Variants in KSR2 observed in about 807,000 individuals in gnomAD.
KSR2 encodes the protein kinase suppressor of ras 2.
KSR2 carries 25 observed loss-of-function variants against 107.8 expected under a neutral mutation model. The ratio of observed to expected loss-of-function variants is 0.23; its 90% confidence interval spans 0.17 to 0.32. The LOEUF is 0.32. KSR2 is among the 10% of genes least tolerant of loss of function. KSR2 has a pLI of 1.00. For synonymous variants in KSR2, 480 were observed against 507.0 expected, an observed-to-expected ratio of 0.95 and a Z score of 0.71; for missense variants, 887 against 1,268.9, an observed-to-expected ratio of 0.70 and a Z score of 4.57.
At chr12:117,484,215 C>G (rs983483875) in intron 16 of KSR2, among the ~76,000 whole-genome samples, 2 of 152,174 alleles carry the variant, frequency 1.3e-5, no homozygotes, top group Admixed American at 6.5e-5. Context: ...AAAGACAAGA[C>G]AGGTGAGCAA....
chr12:117,864,182 A>G (rs1349199311), intron 1 of KSR2, among the ~76,000 whole-genome samples: 1 of 152,164 alleles, frequency 6.6e-6, no homozygotes, highest in Non-Finnish European at 1.5e-5. Flanking sequence ...GGGCCCCATG[A>G]GACAACCATC....
chr12:117,549,650 T>A (rs1877146223), intron 9 of KSR2, among the ~76,000 whole-genome samples: 1 of 152,166 alleles, frequency 6.6e-6, no homozygotes. Flanking sequence ...GGAAGGGTTG[T>A]ATGGAAGAAC....
At chr12:117,713,130 CTAGA>C (rs756128296) in intron 4 of KSR2, among the ~76,000 whole-genome samples, 43 of 148,496 alleles carry the variant, frequency 2.9e-4, no homozygotes, top group Admixed American at 6.7e-4. Context: ...ATATGTATAT[CTAGA>C]TAGATAGATA....
chr12:117,482,054 C>T (rs1438301141), intron 16 of KSR2, among the ~76,000 whole-genome samples: 1 of 152,096 alleles, frequency 6.6e-6, no homozygotes. Context: ...CCCCAGAGTT[C>T]CACCTCCCTG....
intron 1 of KSR2, among the ~76,000 whole-genome samples, chr12:117,873,461 C>CTTTTTT (rs546188012): frequency 5.9e-5 from 7 of 119,510 alleles, no homozygotes; most frequent in African/African-American, 1.6e-4. Context: ...GTTCATGGTG[C>CTTTTTT]TTTTTTTTTT....
chr12:117,853,635 C>T (rs771795326), intron 3 of KSR2, among the ~76,000 whole-genome samples: 1 of 152,114 alleles, frequency 6.6e-6, no homozygotes, highest in Non-Finnish European at 1.5e-5. Context: ...AGCCACCATG[C>T]CTAGCCTGCA....
chr12:117,674,231 C>G (rs1885027004), intron 4 of KSR2: 12 of 480,028 alleles, frequency 2.5e-5, no homozygotes, highest in South Asian at 1.7e-4. Context: ...GAGTTCATTA[C>G]TCTCCATCTC....
At chr12:117,901,080 C>T (rs774828792) in intron 1 of KSR2, among the ~76,000 whole-genome samples, 3 of 152,012 alleles carry the variant, frequency 2.0e-5, no homozygotes, top group East Asian at 3.9e-4. Context: ...TTGTGACAAA[C>T]GCTCATGAAT....
At chr12:117,594,545 G>T (rs1389794207) in intron 5 of KSR2, among the ~76,000 whole-genome samples, 2 of 148,292 alleles carry the variant, frequency 1.3e-5, no homozygotes, top group South Asian at 4.2e-4. Flanking sequence ...TGAGGCGACA[G>T]GGTTGTGACA....
intron 4 of KSR2, among the ~76,000 whole-genome samples, chr12:117,747,981 G>A (rs939107571): frequency 3.9e-5 from 6 of 152,174 alleles, no homozygotes; most frequent in African/African-American, 1.4e-4. Context: ...AAATCAGTAT[G>A]TCAAAGAGAT....
At chr12:117,509,266 C>T (rs998322980) in intron 14 of KSR2, among the ~76,000 whole-genome samples, 1 of 152,166 alleles carries the variant, frequency 6.6e-6, no homozygotes, top group Non-Finnish European at 1.5e-5. Context: ...GCCCCCTCCT[C>T]CTTCCATCCC....
At chr12:117,725,481 T>C (rs537148127) in intron 4 of KSR2, among the ~76,000 whole-genome samples, 8 of 152,224 alleles carry the variant, frequency 5.3e-5, no homozygotes, top group Admixed American at 2.0e-4. Flanking sequence ...TGGATATTCT[T>C]ATGGAAAATA....
intron 3 of KSR2, among the ~76,000 whole-genome samples, chr12:117,820,017 C>T (rs937401025): frequency 3.3e-5 from 5 of 151,416 alleles, no homozygotes; most frequent in Admixed American, 6.6e-5. Context: ...AAAGACTCAC[C>T]GGAAAATGCG....
intron 1 of KSR2, among the ~76,000 whole-genome samples, chr12:117,893,050 C>T (rs1321058130): frequency 6.8e-6 from 1 of 147,400 alleles, no homozygotes; most frequent in Non-Finnish European, 1.5e-5. Context: ...CGGGGTCTTA[C>T]TCTGTCACCC....
intron 1 of KSR2, among the ~76,000 whole-genome samples, chr12:117,932,476 G>A (rs1895720554): frequency 6.6e-6 from 1 of 152,158 alleles, no homozygotes; most frequent in Non-Finnish European, 1.5e-5. Context: ...AGCACTTTGG[G>A]AGGCTAAGGT....
intron 4 of KSR2, among the ~76,000 whole-genome samples, chr12:117,682,562 TGC>T (rs1491071471): frequency 4.0e-5 from 6 of 151,876 alleles, no homozygotes; most frequent in Non-Finnish European, 8.8e-5. Flanking sequence ...GGAATACAGG[TGC>T]GCACCACCAC....
chr12:117,496,164 T>C (rs1266954738), intron 14 of KSR2, among the ~76,000 whole-genome samples: 1 of 152,102 alleles, frequency 6.6e-6, no homozygotes, highest in East Asian at 1.9e-4. Flanking sequence ...AGACTGTGTA[T>C]GACTCCAAGC....
chr12:117,826,570 C>T (rs1203393328), intron 3 of KSR2, among the ~76,000 whole-genome samples: 1 of 152,060 alleles, frequency 6.6e-6, no homozygotes, highest in African/African-American at 2.4e-5. Context: ...GGTCAAGCTT[C>T]CACTCTCAAA....
chr12:117,918,330 C>T (rs1895242937), intron 1 of KSR2, among the ~76,000 whole-genome samples: 1 of 152,182 alleles, frequency 6.6e-6, no homozygotes, highest in African/African-American at 2.4e-5. Context: ...GCTCCCACTG[C>T]CCATCACAGT....
Sources: allele counts gnomAD v4.1 joint callset (sites outside exome capture counted in the v4.1 genomes callset), GRCh38; gene constraint gnomAD v4.1.1; transcripts MANE v1.5; gene names NCBI Gene and HGNC (gene_info 2026-07-23, HGNC 2026-07-21).